The following RPS6KC1 variants were observed in gnomAD, a reference collection of about 807,000 sequenced individuals.
RPS6KC1 encodes ribosomal protein S6 kinase C1, also known as inactive ribosomal protein S6 kinase delta-1.
RPS6KC1 carries 54 observed loss-of-function variants against 103.8 expected under a neutral mutation model. The observed-to-expected ratio is 0.52, with a 90% CI of 0.42 to 0.65. RPS6KC1 has a LOEUF of 0.65. Ranked by LOEUF, RPS6KC1 falls within the 30% of genes least tolerant of loss-of-function variation. RPS6KC1 has a pLI of 0.00. For missense variants in RPS6KC1, 1,151 were observed against 1,253.8 expected (o/e 0.92, Z 1.24); for synonymous variants, 439 against 438.7 (o/e 1.00, Z -0.01).
chr1:213,821,847 G>A, the RPS6KC1 span: 1 of 152,256 alleles, frequency 6.6e-6, no homozygotes, highest in Non-Finnish European at 1.5e-5. Flanking sequence ...CATTGCTGGG[G>A]AAATGTGGCT....
At chr1:213,096,012 A>G (rs1364683532) in intron 3 of RPS6KC1, among the ~76,000 whole-genome samples, 1 of 152,202 alleles carries the variant, frequency 6.6e-6, no homozygotes. Flanking sequence ...ATTTCTCTGT[A>G]ACATGTGATG....
the RPS6KC1 span, among the ~76,000 whole-genome samples, chr1:213,447,889 G>GT: frequency 6.6e-6 from 1 of 152,056 alleles, no homozygotes; most frequent in Non-Finnish European, 1.5e-5. Flanking sequence ...TATATTACGT[G>GT]TTTTTTTATA....
At chr1:213,779,610 G>C in the RPS6KC1 span, among the ~76,000 whole-genome samples, 1 of 152,194 alleles carries the variant, frequency 6.6e-6, no homozygotes, top group Non-Finnish European at 1.5e-5. Context: ...AAGATCCAAA[G>C]CTGAGTTGCA....
At chr1:213,386,203 A>T in the RPS6KC1 span, among the ~76,000 whole-genome samples, 1 of 152,040 alleles carries the variant, frequency 6.6e-6, no homozygotes, top group Non-Finnish European at 1.5e-5. Flanking sequence ...TCGCCATGGG[A>T]TCTCTGCACA....
chr1:213,817,739 G>A, the RPS6KC1 span: 1 of 152,002 alleles, frequency 6.6e-6, no homozygotes. Flanking sequence ...AATAATTGAA[G>A]TTCAGGCAGA....
the RPS6KC1 span, among the ~76,000 whole-genome samples, chr1:213,419,862 C>A: frequency 1.3e-5 from 2 of 152,198 alleles, no homozygotes; most frequent in Non-Finnish European, 1.5e-5. Flanking sequence ...GTCCTTGGCA[C>A]CCCTGCACAG....
chr1:213,431,566 A>T, the RPS6KC1 span, among the ~76,000 whole-genome samples: 9 of 151,746 alleles, frequency 5.9e-5, no homozygotes, highest in Non-Finnish European at 1.3e-4. Context: ...TTCCATGAGC[A>T]TTATGTTTGT....
chr1:213,733,445 C>T, the RPS6KC1 span, among the ~76,000 whole-genome samples: 1 of 151,966 alleles, frequency 6.6e-6, no homozygotes, highest in Non-Finnish European at 1.5e-5. Context: ...CCATGCTGCC[C>T]AGACTGGTCT....
the RPS6KC1 span, among the ~76,000 whole-genome samples, chr1:213,581,001 C>T: frequency 4.6e-5 from 7 of 151,962 alleles, no homozygotes; most frequent in Admixed American, 4.6e-4. Flanking sequence ...TTTGCAAATA[C>T]TACATGATTT....
chr1:213,517,682 G>A, the RPS6KC1 span, among the ~76,000 whole-genome samples: 4 of 152,202 alleles, frequency 2.6e-5, no homozygotes, highest in Non-Finnish European at 5.9e-5. Flanking sequence ...GTGTGGTGTG[G>A]TGCTGAAAAG....
At chr1:213,707,007 A>T in the RPS6KC1 span, among the ~76,000 whole-genome samples, 1 of 152,166 alleles carries the variant, frequency 6.6e-6, no homozygotes, top group Non-Finnish European at 1.5e-5. Flanking sequence ...TGCAGTAAAC[A>T]TATGTGTATA....
At chr1:213,139,163 G>T (rs1257329325) in intron 6 of RPS6KC1, among the ~76,000 whole-genome samples, 2 of 152,090 alleles carry the variant, frequency 1.3e-5, no homozygotes, top group South Asian at 4.1e-4. Flanking sequence ...CTTTTGAGAA[G>T]TGCCTGTTCA....
chr1:213,234,486 G>A (rs1287288631), intron 10 of RPS6KC1, among the ~76,000 whole-genome samples: 1 of 152,204 alleles, frequency 6.6e-6, no homozygotes, highest in African/African-American at 2.4e-5. Context: ...TGGCATTTAA[G>A]AGAAGTTCTG....
At chr1:213,489,469 C>T in the RPS6KC1 span, among the ~76,000 whole-genome samples, 4 of 152,274 alleles carry the variant, frequency 2.6e-5, no homozygotes, top group East Asian at 1.9e-4. Context: ...GGCTTATTTT[C>T]CTCTGGGCCT....
intron 1 of RPS6KC1, among the ~76,000 whole-genome samples, chr1:213,054,597 C>A (rs2077189581): frequency 1.3e-5 from 2 of 152,084 alleles, no homozygotes; most frequent in Admixed American, 6.6e-5. Context: ...TATTTTTGAT[C>A]CTTGCAGGGT....
At chr1:213,421,811 T>C in the RPS6KC1 span, among the ~76,000 whole-genome samples, 1 of 152,226 alleles carries the variant, frequency 6.6e-6, no homozygotes, top group African/African-American at 2.4e-5. Flanking sequence ...GTGCTCAGGC[T>C]TGGAGATGAC....
intron 12 of RPS6KC1, among the ~76,000 whole-genome samples, chr1:213,246,829 T>C (rs756956948): frequency 3.3e-5 from 5 of 151,908 alleles, no homozygotes; most frequent in African/African-American, 7.3e-5. Context: ...CAGTGTGCTA[T>C]GATCATGCCT....
intron 3 of RPS6KC1, among the ~76,000 whole-genome samples, chr1:213,096,398 A>G (rs1359122394): frequency 6.6e-6 from 1 of 151,966 alleles, no homozygotes; most frequent in Non-Finnish European, 1.5e-5. Context: ...CTAAAATCTT[A>G]TTAATGTTGG....
the RPS6KC1 span, among the ~76,000 whole-genome samples, chr1:213,535,315 G>A: frequency 1.3e-5 from 2 of 152,200 alleles, no homozygotes; most frequent in African/African-American, 2.4e-5. Context: ...TAAAACAGTT[G>A]TGATGCAGCA....
Sources: allele counts gnomAD v4.1 joint callset (sites outside exome capture counted in the v4.1 genomes callset), GRCh38; gene constraint gnomAD v4.1.1; transcripts MANE v1.5; gene names NCBI Gene and HGNC (gene_info 2026-07-23, HGNC 2026-07-21).